Variants in HMGN5 observed in about 807,000 individuals in gnomAD.
HMGN5 encodes the protein high mobility group nucleosome-binding domain-containing protein 5.
Under a neutral mutation model 9.5 loss-of-function variants are expected in HMGN5, and 4 were observed. The observed-to-expected ratio is 0.42, with a 90% CI of 0.21 to 0.96. HMGN5 has a LOEUF of 0.96. HMGN5 is among the 40% of genes least tolerant of loss of function. The pLI is 0.30. For missense variants in HMGN5, 192 were observed against 187.5 expected (o/e 1.02, Z -0.14); for synonymous variants, 55 against 57.1 (o/e 0.96, Z 0.16).
chrX:81,113,702 T>C lies in HMGN5; in HGVS notation c.*947A>G, dbSNP rs939096959. 2.7e-5 allele frequency: 3 copies of C among 111,974 alleles called. No individual in the cohort carries two copies. The highest frequency in any genetic ancestry group is 9.7e-5 in the African/African-American group (3 of 30,814). 9.2% of individuals were successfully genotyped at this position (111,974 alleles called of 1,213,427 possible). ...GATACCAAAGGCCACACACATATTA[T>C]GTGATTCCATTTATAATAAATGTTC... is the stretch of plus-strand genomic sequence containing the variant. On this transcript the variant is annotated 3_prime_UTR_variant, in exon 7 of 7. Coordinates refer to ENST00000358130, the MANE Select transcript of HMGN5 (RefSeq NM_030763.3).
chrX:81,114,963 CT>C lies in HMGN5; in HGVS notation c.534del (p.Gly179ValfsTer48), dbSNP rs1556033122. 4 of 1,154,994 alleles carry C rather than the reference CT, an allele frequency of 3.5e-6. No homozygotes were observed. The highest frequency in any genetic ancestry group is 2.7e-5 in the Admixed American group (1 of 36,691). ...EDAKEKEDGKKGEDGKGNGED... is the reference protein window; with the variant it reads ...EDAKEKEDGKXGEDGKGNGED... ...TCTCCATTTCCTTTTCCGTCTTCAC[CT>C]TTTTTTCCATCTTCTTTCTCTTTTG... On this transcript the variant is annotated frameshift_variant, in exon 7 of 7. Coordinates refer to ENST00000358130, the MANE Select transcript of HMGN5 (RefSeq NM_030763.3). LOFTEE classifies it low-confidence loss of function (END_TRUNC).
intron 1 of HMGN5, among the ~76,000 whole-genome samples, chrX:81,161,352 C>T (rs1423465797): frequency 9.0e-6 from 1 of 111,243 alleles, no homozygotes. Context: ...CCTTCAAATG[C>T]TCCTATCCCC....
At chrX:81,157,984 G>A (rs978555575) in intron 1 of HMGN5, among the ~76,000 whole-genome samples, 1 of 110,461 alleles carries the variant, frequency 9.1e-6, no homozygotes, top group Non-Finnish European at 1.9e-5. Context: ...GCTTCACCAT[G>A]TTAGCCAGGA....
chrX:81,188,731 G>A (rs1346568427), intron 1 of HMGN5, among the ~76,000 whole-genome samples: 2 of 109,946 alleles, frequency 1.8e-5, no homozygotes, highest in Non-Finnish European at 3.8e-5. Flanking sequence ...GCGGTGTTTG[G>A]TTTTTTGTCC....
At chrX:81,168,839 TG>T (rs1246353334) in intron 1 of HMGN5, among the ~76,000 whole-genome samples, 3 of 111,606 alleles carry the variant, frequency 2.7e-5, no homozygotes, top group African/African-American at 9.8e-5. Context: ...TCCCAGTGCT[TG>T]GGAACTAAGA....
In HMGN5 at chrX:81,150,470, C is replaced by T. The variant is rs571569892; in HGVS notation, c.-123-28798G>A. On this transcript the variant is annotated intron_variant, in intron 1 of 6. Coordinates refer to ENST00000358130, the MANE Select transcript of HMGN5 (RefSeq NM_030763.3). ...ATCTCAGCCACTAGGGAGGCTGAGG[C>T]AGGAGAATCGCTTTGAACCCAGGAG... is the stretch of plus-strand genomic sequence containing the variant. Among the ~76,000 whole-genome samples, 217 of 111,262 alleles carry T rather than the reference C, an allele frequency of 2.0e-3. 2 individuals are homozygous for T. Among genetic ancestry groups the T allele is most frequent in the African/African-American group, 6.8e-3 (207 of 30,583 alleles).
chrX:81,181,494 T>C (rs1217828691), intron 1 of HMGN5, among the ~76,000 whole-genome samples: 1 of 111,527 alleles, frequency 9.0e-6, no homozygotes, highest in Non-Finnish European at 1.9e-5. Context: ...AAAGGTATAA[T>C]TATTTTTTAC....
chrX:81,197,193 A>G (rs1305651761), intron 1 of HMGN5, among the ~76,000 whole-genome samples: 2 of 112,530 alleles, frequency 1.8e-5, no homozygotes, highest in Admixed American at 1.9e-4. Flanking sequence ...TTCAGCCACA[A>G]GCAATTCATT....
At chrX:81,144,911 T>G (rs1464830096) in intron 1 of HMGN5, among the ~76,000 whole-genome samples, 1 of 110,476 alleles carries the variant, frequency 9.1e-6, no homozygotes, top group Admixed American at 9.6e-5. Context: ...AGATCAAAGA[T>G]CAACTCAATG....
chrX:81,165,234 T>C (rs1007077389), intron 1 of HMGN5, among the ~76,000 whole-genome samples: 1 of 111,016 alleles, frequency 9.0e-6, no homozygotes, highest in Non-Finnish European at 1.9e-5. Flanking sequence ...ACATTTCTGT[T>C]TATACGTGCA....
At chrX:81,192,755 C>T (rs1308619859) in intron 1 of HMGN5, among the ~76,000 whole-genome samples, 1 of 111,946 alleles carries the variant, frequency 8.9e-6, no homozygotes, top group Non-Finnish European at 1.9e-5. Context: ...TCTATGCTGA[C>T]AGTTATTATT....
chrX:81,125,870 G>A (rs950493482), intron 1 of HMGN5, among the ~76,000 whole-genome samples: 2 of 111,389 alleles, frequency 1.8e-5, no homozygotes, highest in Non-Finnish European at 3.8e-5. Flanking sequence ...GCAGTTGGCT[G>A]GGTGTGGTGG....
intron 1 of HMGN5, among the ~76,000 whole-genome samples, chrX:81,124,313 G>A (rs762647438): frequency 4.5e-5 from 5 of 112,344 alleles, no homozygotes; most frequent in South Asian, 7.3e-4. Context: ...AACCTGTTTA[G>A]GCTCTTTGCC....
intron 1 of HMGN5, among the ~76,000 whole-genome samples, chrX:81,164,837 T>G (rs2075406841): frequency 9.0e-6 from 1 of 111,371 alleles, no homozygotes; most frequent in Non-Finnish European, 1.9e-5. Context: ...CCCACAGTCT[T>G]CCACTCTATC....
At chrX:81,186,735 C>T (rs771453022) in intron 1 of HMGN5, among the ~76,000 whole-genome samples, 281 of 110,629 alleles carry the variant, frequency 2.5e-3, no homozygotes, top group Non-Finnish European at 4.3e-3. Context: ...TTATGGGGTA[C>T]ATGAGATGTT....
intron 1 of HMGN5, among the ~76,000 whole-genome samples, chrX:81,130,326 C>T (rs1039348101): frequency 1.8e-5 from 2 of 111,484 alleles, no homozygotes; most frequent in African/African-American, 3.3e-5. Flanking sequence ...ACAGCTTGCA[C>T]TTATCAGGAT....
At chrX:81,151,903 A>G (rs2075363747) in intron 1 of HMGN5, among the ~76,000 whole-genome samples, 1 of 111,643 alleles carries the variant, frequency 9.0e-6, no homozygotes, top group African/African-American at 3.3e-5. Flanking sequence ...AACAGGGACA[A>G]TTTGACTTCC....
chrX:81,173,387 A>G (rs1262239761), intron 1 of HMGN5, among the ~76,000 whole-genome samples: 4 of 111,534 alleles, frequency 3.6e-5, no homozygotes, highest in Admixed American at 9.5e-5. Context: ...AAGTAGCCAC[A>G]ATATTGAATA....
At chrX:81,133,731 A>T (rs1465350122) in intron 1 of HMGN5, among the ~76,000 whole-genome samples, 2 of 110,894 alleles carry the variant, frequency 1.8e-5, no homozygotes, top group African/African-American at 3.3e-5. Context: ...GGGAGGAGGG[A>T]GAGGATCAGG....
Sources: allele counts gnomAD v4.1 joint callset (sites outside exome capture counted in the v4.1 genomes callset), GRCh38; gene constraint gnomAD v4.1.1; transcripts MANE v1.5; gene names NCBI Gene and HGNC (gene_info 2026-07-23, HGNC 2026-07-21).